The following METTL2A variants were observed in gnomAD, a reference collection of about 807,000 sequenced individuals.
METTL2A encodes methyltransferase 2A, tRNA N3-cytidine.
A neutral mutation model predicts 49.4 loss-of-function variants in METTL2A; 45 were observed. That is an observed-to-expected ratio of 0.91 (90% CI 0.72 to 1.17). METTL2A has a LOEUF of 1.17. Ranked by LOEUF, METTL2A falls within the 50% of genes most tolerant of loss-of-function variation. The pLI is 0.00. For missense variants in METTL2A, 361 were observed against 462.2 expected, an observed-to-expected ratio of 0.78 and a Z score of 2.01; for synonymous variants, 118 against 167.5, an observed-to-expected ratio of 0.70 and a Z score of 2.28.
At chr17:62,439,760 G>A (rs1447880587) in intron 5 of METTL2A, among the ~76,000 whole-genome samples, 4 of 151,320 alleles carry the variant, frequency 2.6e-5, no homozygotes, top group Non-Finnish European at 4.4e-5. Flanking sequence ...CTCTCCTTAC[G>A]AATGTTTTTT....
At chr17:62,427,528 CA>C (rs1231595161) in intron 3 of METTL2A, among the ~76,000 whole-genome samples, 2 of 152,162 alleles carry the variant, frequency 1.3e-5, no homozygotes, top group East Asian at 3.8e-4. Flanking sequence ...TGCTAGAACT[CA>C]AAAGATAAAA....
chr17:62,433,930 T>C (rs1406557550), intron 4 of METTL2A, among the ~76,000 whole-genome samples: 1 of 151,998 alleles, frequency 6.6e-6, no homozygotes, highest in Non-Finnish European at 1.5e-5. Context: ...GGCACGGTGG[T>C]GCGCACCTGT....
chr17:62,440,519 A>G, intron 5 of METTL2A, 98 bp from the exon 6 acceptor site: 1 of 1,466,158 alleles, frequency 6.8e-7, no homozygotes, highest in Non-Finnish European at 9.2e-7. Context: ...CTCTTTGTGA[A>G]GTAGCAACAG....
Position 62,449,336 on chromosome 17 carries a change from T to G in METTL2A, c.*607T>G. 1 of 433,528 alleles carries G rather than the reference T, an allele frequency of 2.3e-6. No individual in the cohort carries two copies. The highest frequency in any genetic ancestry group is 4.6e-6 in the Non-Finnish European group (1 of 218,816). 26.9% of individuals were successfully genotyped at this position (433,528 alleles called of 1,614,324 possible). On this transcript the variant is annotated 3_prime_UTR_variant, in exon 9 of 9. Coordinates refer to ENST00000311506, the MANE Select transcript of METTL2A (RefSeq NM_181725.4). ...AGCTGGGAAGAATCAGATCAGATAT[T>G]TTCCTGACAAAAAAAAATGACCCTA...
Position 62,452,077 on chromosome 17 carries a change from A to T in METTL2A, c.*3348A>T, listed in dbSNP as rs1342092091. 2.0e-5 allele frequency among the ~76,000 whole-genome samples: 3 copies of T among 152,224 alleles called. No individual in the cohort carries two copies. The East Asian group carries it at 5.8e-4, about 29-fold the overall frequency. ...CGTCTCAAAATAAAAAACAAAAAAA[A>T]TGTAAAAAATAAATAATTGTATTGA... On this transcript the variant is annotated 3_prime_UTR_variant, in exon 9 of 9. Coordinates refer to ENST00000311506, the MANE Select transcript of METTL2A (RefSeq NM_181725.4).
chr17:62,440,961 A>G (rs2070735578), intron 6 of METTL2A, among the ~76,000 whole-genome samples: 1 of 152,120 alleles, frequency 6.6e-6, no homozygotes, highest in Non-Finnish European at 1.5e-5. Context: ...ACGTGCCACC[A>G]GTCCTGGCCA....
intron 4 of METTL2A, among the ~76,000 whole-genome samples, chr17:62,431,025 C>T (rs1340692164): frequency 6.6e-6 from 1 of 152,098 alleles, no homozygotes; most frequent in Non-Finnish European, 1.5e-5. Context: ...GCCACCATAC[C>T]CAGCTAATTT....
chr17:62,443,775 A>T (rs2070751620), intron 6 of METTL2A, among the ~76,000 whole-genome samples: 1 of 152,162 alleles, frequency 6.6e-6, no homozygotes, highest in African/African-American at 2.4e-5. Flanking sequence ...TATTTTTAGT[A>T]GAGACAGGGT....
At position 62,433,366 on chromosome 17, in the gene METTL2A, G is replaced by A. The variant is rs183472878; in HGVS notation, c.609-1866G>A. Among the ~76,000 whole-genome samples, 4 of 151,884 alleles carry A rather than the reference G, an allele frequency of 2.6e-5. No individual in the cohort carries two copies. In the East Asian group the frequency reaches 7.8e-4, roughly 29 times the overall value. On this transcript the variant is annotated intron_variant, in intron 4 of 8. Coordinates refer to ENST00000311506, the MANE Select transcript of METTL2A (RefSeq NM_181725.4). ...GGAGAATGGCTTGGACCCAGGAGTGGAGGTTGCAGTGAGCTGAGACCACAC... is the reference window on the plus strand; with the variant it reads ...GGAGAATGGCTTGGACCCAGGAGTGAAGGTTGCAGTGAGCTGAGACCACAC...
At chr17:62,437,425 T>A (rs146834173) in intron 5 of METTL2A, among the ~76,000 whole-genome samples, 1,564 of 152,232 alleles carry the variant, frequency 0.01, 18 homozygotes, top group African/African-American at 0.035. Flanking sequence ...ATACCAGTTT[T>A]CTCTAGTCAG....
chr17:62,428,147 A>G (rs1162844410), intron 4 of METTL2A, among the ~76,000 whole-genome samples: 2 of 152,224 alleles, frequency 1.3e-5, no homozygotes, highest in Non-Finnish European at 2.9e-5. Context: ...TAGACTTAAA[A>G]CTTGCTAGTG....
chr17:62,434,840 G>A (rs1234719423), intron 4 of METTL2A: 3 of 215,736 alleles, frequency 1.4e-5, no homozygotes, highest in African/African-American at 6.8e-5. Flanking sequence ...TCACTATGTG[G>A]TGGGGGCCAA....
At chr17:62,435,165 C>T (rs1357049570) in intron 4 of METTL2A, 67 bp from the exon 5 acceptor site, 7 of 1,610,120 alleles carry the variant, frequency 4.3e-6, no homozygotes, top group African/African-American at 2.7e-5. Flanking sequence ...AACTGTGCTA[C>T]ACAAGAATGA....
chr17:62,451,176 C>T lies in METTL2A; in HGVS notation c.*2447C>T, dbSNP rs1418584733. Among the ~76,000 whole-genome samples the T allele has an allele frequency of 7.1e-5, 10 of 141,406 alleles. No individual in the cohort carries two copies. The highest frequency in any genetic ancestry group is 2.3e-4 in the South Asian group (1 of 4,374). The allele number at this position is 141,406 out of a possible 152,430, so 92.8% of individuals were successfully genotyped here. A position where few individuals can be genotyped will look rare whatever the true frequency, so the allele number is the denominator to read the frequency against. The stretch of plus-strand genomic sequence containing the variant: ...TTTTTTTTTTTTTGAGACAGAGCTT[C>T]GCTCTTGTTGCCCAGGCTGGAGTAC... On this transcript the variant is annotated 3_prime_UTR_variant, in exon 9 of 9. Transcript: ENST00000311506.
At chr17:62,446,766 G>C (rs2070771812) in intron 7 of METTL2A, among the ~76,000 whole-genome samples, 1 of 152,160 alleles carries the variant, frequency 6.6e-6, no homozygotes, top group Non-Finnish European at 1.5e-5. Flanking sequence ...ACCTGAGGTG[G>C]ACCCCGTACC....
chr17:62,439,427 T>C (rs1037888265), intron 5 of METTL2A, among the ~76,000 whole-genome samples: 6 of 148,026 alleles, frequency 4.1e-5, no homozygotes, highest in Non-Finnish European at 8.9e-5. Flanking sequence ...GGTTTGTTTG[T>C]TTGTTTGTTT....
intron 7 of METTL2A, among the ~76,000 whole-genome samples, chr17:62,447,345 G>A (rs2144159166): frequency 6.6e-6 from 1 of 152,200 alleles, no homozygotes; most frequent in Admixed American, 6.6e-5. Context: ...ACTTGAACCT[G>A]GGAGGCAGAG....
Position 62,447,696 on chromosome 17 carries a change from T to G in METTL2A, c.917-5T>G. ...GTCTCTGATTTTTAACACATCACTCTGCAGGTCAGTGTCTATCTGGAAATT... is the reference window on the plus strand; with the variant it reads ...GTCTCTGATTTTTAACACATCACTCGGCAGGTCAGTGTCTATCTGGAAATT... On this transcript the variant is annotated splice_region_variant and splice_polypyrimidine_tract_variant and intron_variant, in intron 7 of 8. Coordinates refer to ENST00000311506, the MANE Select transcript of METTL2A (RefSeq NM_181725.4). The G allele has an allele frequency of 6.2e-7, 1 of 1,614,128 alleles. No homozygotes were observed. Among genetic ancestry groups the G allele is most frequent in the South Asian group, 1.1e-5 (1 of 91,082 alleles).
intron 8 of METTL2A, among the ~76,000 whole-genome samples, chr17:62,448,334 C>A (rs965751795): frequency 3.9e-5 from 6 of 152,010 alleles, no homozygotes; most frequent in African/African-American, 1.5e-4. Context: ...TTCATAGAGC[C>A]TAAAGGCCAA....
Sources: gnomAD v4.1 joint callset for allele counts (sites outside exome capture counted in the v4.1 genomes callset) on GRCh38, gnomAD v4.1.1 for gene constraint, MANE v1.5 for transcripts, NCBI Gene and HGNC (gene_info 2026-07-23, HGNC 2026-07-21) for gene names.